SCFD1: variants seen among roughly 807,000 people sequenced by gnomAD.
SCFD1 encodes the protein sec1 family domain containing 1, also known as sec1 family domain-containing protein 1.
Under a neutral mutation model 103.2 loss-of-function variants are expected in SCFD1, and 37 were observed. The ratio of observed to expected loss-of-function variants is 0.36; its 90% CI spans 0.28 to 0.47. SCFD1 has a LOEUF of 0.47. SCFD1 is among the 20% of genes least tolerant of loss of function. SCFD1 has a pLI of 1.00. For synonymous variants in SCFD1, 264 were observed against 245.0 expected, an observed-to-expected ratio of 1.08 and a Z score of -0.73; for missense variants, 639 against 761.2, an observed-to-expected ratio of 0.84 and a Z score of 1.89.
chr14:30,656,537 A>G (rs760732931), intron 10 of SCFD1, among the ~76,000 whole-genome samples: 3 of 152,140 alleles, frequency 2.0e-5, no homozygotes, highest in Non-Finnish European at 4.4e-5. Flanking sequence ...CAGTTGTGAC[A>G]ATCAAAACGT....
Position 30,702,036 on chromosome 14 carries a change from G to A in SCFD1, c.1411-260G>A, listed in dbSNP as rs180956924. On this transcript the variant is annotated intron_variant, in intron 16 of 24. Transcript: ENST00000458591. The stretch of plus-strand genomic sequence containing the variant: ...CAGCAGTAAAGGAAAAAATAGCTTT[G>A]TTGGACTTGCTGAGAAATTTAAAAA... 1.0e-3 allele frequency among the ~76,000 whole-genome samples: 155 copies of A among 152,284 alleles called. 4 individuals carry two copies. The East Asian group carries it at 0.023, about 23-fold the overall frequency.
intron 19 of SCFD1, 74 bp from the exon 20 acceptor site, chr14:30,715,850 G>A: frequency 1.3e-6 from 1 of 770,140 alleles, no homozygotes; most frequent in East Asian, 2.7e-5. Flanking sequence ...CTTAACTGTA[G>A]AATGATCAGG....
At chr14:30,725,909 G>T (rs1187784004) in intron 23 of SCFD1, among the ~76,000 whole-genome samples, 1 of 152,160 alleles carries the variant, frequency 6.6e-6, no homozygotes, top group East Asian at 1.9e-4. Context: ...GCTAGTACAA[G>T]TTGCCCCCTA....
chr14:30,680,253 CAAT>C (rs1889365189), intron 14 of SCFD1, among the ~76,000 whole-genome samples: 1 of 152,154 alleles, frequency 6.6e-6, no homozygotes, highest in Non-Finnish European at 1.5e-5. Flanking sequence ...TCTCAAAACT[CAAT>C]AATGAGAAAG....
At chr14:30,695,885 CAAAA>C (rs896225695) in intron 15 of SCFD1, among the ~76,000 whole-genome samples, 9 of 150,828 alleles carry the variant, frequency 6.0e-5, no homozygotes, top group African/African-American at 1.9e-4. Flanking sequence ...AACAAACAAA[CAAAA>C]AAAACCACAG....
chr14:30,642,017 A>G (rs995703623), intron 6 of SCFD1, among the ~76,000 whole-genome samples: 14 of 152,102 alleles, frequency 9.2e-5, no homozygotes, highest in African/African-American at 1.4e-4. Context: ...CTACTCAACA[A>G]TGTTTCTTAA....
In SCFD1 at chr14:30,675,079, T is replaced by C. The variant is rs1888911570; in HGVS notation, c.1242+14T>C. On this transcript the variant is annotated intron_variant, in intron 14 of 24. Coordinates refer to ENST00000458591, the MANE Select transcript of SCFD1 (RefSeq NM_016106.4). Reference sequence around the variant, plus strand: ...GAACATATAAAGGTAAATTTAACTTTTTCCCCCCCACAATATGACTTGCAT... The same window carrying C: ...GAACATATAAAGGTAAATTTAACTTCTTCCCCCCCACAATATGACTTGCAT... The C allele has an allele frequency of 2.8e-6, 4 of 1,443,126 alleles. No homozygotes were observed. Among genetic ancestry groups the C allele is most frequent in the Middle Eastern group, 1.8e-4 (1 of 5,650 alleles). The allele number at this position is 1,443,126 out of a possible 1,614,324, so 89.4% of individuals were successfully genotyped here. A position where few individuals can be genotyped will look rare whatever the true frequency, so the allele number is the denominator to read the frequency against.
intron 23 of SCFD1, among the ~76,000 whole-genome samples, chr14:30,731,193 C>G (rs925208358): frequency 7.7e-4 from 117 of 152,260 alleles, no homozygotes; most frequent in African/African-American, 2.6e-3. Context: ...GGGCTCTGTT[C>G]TGTTCCACTG....
intron 3 of SCFD1, among the ~76,000 whole-genome samples, chr14:30,631,278 G>A (rs1007352610): frequency 3.3e-5 from 5 of 152,064 alleles, no homozygotes; most frequent in Non-Finnish European, 5.9e-5. Context: ...ACTTGAACCC[G>A]GGAGGCAGAG....
At chr14:30,667,335 G>A (rs1001088344) in intron 10 of SCFD1, among the ~76,000 whole-genome samples, 14 of 152,132 alleles carry the variant, frequency 9.2e-5, no homozygotes, top group South Asian at 6.2e-4. Context: ...TGCAGAAGAG[G>A]CCTTCGACAA....
chr14:30,631,723 C>T (rs1342055288), intron 3 of SCFD1, among the ~76,000 whole-genome samples: 3 of 152,062 alleles, frequency 2.0e-5, no homozygotes, highest in Admixed American at 2.0e-4. Flanking sequence ...AAAACAAATG[C>T]AGTACTTTAT....
intron 10 of SCFD1, among the ~76,000 whole-genome samples, chr14:30,658,594 T>C (rs928479727): frequency 6.6e-6 from 1 of 152,114 alleles, no homozygotes; most frequent in Non-Finnish European, 1.5e-5. Flanking sequence ...GGTTTCGCCA[T>C]GTTAGCCAGA....
chr14:30,669,481 T>C (rs149839324), intron 10 of SCFD1, among the ~76,000 whole-genome samples: 1 of 152,230 alleles, frequency 6.6e-6, no homozygotes, highest in East Asian at 1.9e-4. Context: ...AAAAAGATAC[T>C]TACTTTTATT....
At chr14:30,627,491 A>G in intron 1 of SCFD1, among the ~76,000 whole-genome samples, 1 of 152,206 alleles carries the variant, frequency 6.6e-6, no homozygotes, top group East Asian at 1.9e-4. Context: ...TCACGCCTGT[A>G]ATCCCAGCAC....
At chr14:30,728,049 A>G (rs1040157944) in intron 23 of SCFD1, among the ~76,000 whole-genome samples, 1 of 152,150 alleles carries the variant, frequency 6.6e-6, no homozygotes, top group East Asian at 1.9e-4. Context: ...ATCCATATCC[A>G]TGTTCTACAT....
chr14:30,638,216 T>C lies in SCFD1; in HGVS notation c.404T>C (p.Leu135Ser). Residue 135 changes from leucine (L) to serine (S), a missense_variant, in exon 5 of 25, where the codon TTA becomes TCA. By Grantham distance (145) the Leu-to-Ser change is moderately radical. Transcript: ENST00000458591. Reference sequence around the variant, plus strand: ...CTGGAAGATATTGCAAATGCAGCGTTAGCAGCTAGTGCAGTAACACAAGTA... The same window carrying C: ...CTGGAAGATATTGCAAATGCAGCGTCAGCAGCTAGTGCAGTAACACAAGTA... ...SKLEDIANAA[L>S]AASAVTQVAK... 6.2e-7 allele frequency: 1 copy of C among 1,613,020 alleles called. No homozygotes were observed. The highest frequency in any genetic ancestry group is 8.5e-7 in the Non-Finnish European group (1 of 1,179,438).
chr14:30,671,173 A>G (rs892788001), intron 11 of SCFD1, among the ~76,000 whole-genome samples: 4 of 152,124 alleles, frequency 2.6e-5, no homozygotes, highest in East Asian at 1.9e-4. Flanking sequence ...ACTTGGTTCA[A>G]CATGCTGGGT....
chr14:30,694,930 A>C, intron 15 of SCFD1, 61 bp downstream of exon 15: 1 of 1,543,684 alleles, frequency 6.5e-7, no homozygotes. Flanking sequence ...AGCATTTTCA[A>C]TTGAGTAAAC....
At chr14:30,706,933 A>C (rs117270983) in intron 18 of SCFD1, among the ~76,000 whole-genome samples, 5,307 of 152,212 alleles carry the variant, frequency 0.035, 122 homozygotes, top group Middle Eastern at 0.061. Flanking sequence ...GCACACCCCC[A>C]CAGAGTTGCC....
Sources: allele counts gnomAD v4.1 joint callset (sites outside exome capture counted in the v4.1 genomes callset), GRCh38; gene constraint gnomAD v4.1.1; transcripts MANE v1.5; gene names NCBI Gene and HGNC (gene_info 2026-07-23, HGNC 2026-07-21).